The following FSTL4 variants were observed in gnomAD, a reference collection of about 807,000 sequenced individuals.
FSTL4 encodes follistatin like 4.
Under a neutral mutation model 78.2 loss-of-function variants are expected in FSTL4, and 28 were observed. The observed-to-expected ratio is 0.36, with a 90% CI of 0.27 to 0.49. The LOEUF (loss-of-function observed/expected upper bound fraction) is 0.49, where lower values mean the gene tolerates loss of function less well. FSTL4 is among the 20% of genes least tolerant of loss of function. The pLI is 0.98. For missense variants in FSTL4, 922 were observed against 1,084.9 expected, an observed-to-expected ratio of 0.85 and a Z score of 2.11; for synonymous variants, 422 against 440.5, an observed-to-expected ratio of 0.96 and a Z score of 0.53.
chr5:133,282,534 C>T (rs1469686774), intron 6 of FSTL4, among the ~76,000 whole-genome samples: 1 of 152,224 alleles, frequency 6.6e-6, no homozygotes, highest in Non-Finnish European at 1.5e-5. Context: ...AGGATCATTT[C>T]TCCCATACGA....
the FSTL4 span, among the ~76,000 whole-genome samples, chr5:133,708,281 T>C: frequency 2.0e-5 from 3 of 152,098 alleles, no homozygotes; most frequent in African/African-American, 7.2e-5. Context: ...GGCTTGCTTG[T>C]ATTTGGCTCT....
At chr5:133,774,090 A>C in the FSTL4 span, among the ~76,000 whole-genome samples, 2 of 152,224 alleles carry the variant, frequency 1.3e-5, no homozygotes, top group Non-Finnish European at 2.9e-5. Context: ...GAGAGAACAC[A>C]CACAGAGAAG....
At chr5:133,504,012 C>T (rs1451526696) in intron 3 of FSTL4, among the ~76,000 whole-genome samples, 1 of 152,064 alleles carries the variant, frequency 6.6e-6, no homozygotes, top group Non-Finnish European at 1.5e-5. Flanking sequence ...AGGGGGAAAC[C>T]CCTTATAAAA....
At chr5:133,657,767 T>G in the FSTL4 span, among the ~76,000 whole-genome samples, 2 of 104,406 alleles carry the variant, frequency 1.9e-5, no homozygotes, top group Non-Finnish European at 1.9e-5. Flanking sequence ...CTGTTTTTTG[T>G]TTTTTTTGTT....
intron 8 of FSTL4, among the ~76,000 whole-genome samples, chr5:133,231,735 G>T (rs183298543): frequency 4.6e-5 from 7 of 152,154 alleles, no homozygotes; most frequent in Admixed American, 4.6e-4. Context: ...TAGAGACAGG[G>T]TTTCACCATG....
intron 7 of FSTL4, among the ~76,000 whole-genome samples, chr5:133,246,203 T>C (rs1295380487): frequency 6.6e-6 from 1 of 152,100 alleles, no homozygotes; most frequent in Non-Finnish European, 1.5e-5. Flanking sequence ...TCGTATTTCA[T>C]CTCCCACTGC....
rs115132315 is a variant in FSTL4, at chr5:133,531,109, G to T, written c.160+36077C>A. Among the ~76,000 whole-genome samples, 987 of 152,302 alleles carry T rather than the reference G, an allele frequency of 6.5e-3. 15 individuals are homozygous for T. The highest frequency in any genetic ancestry group is 0.022 in the African/African-American group (914 of 41,558). On this transcript the variant is annotated intron_variant, in intron 3 of 15. Transcript: ENST00000265342. ...CAGAAAAGGATGGGCTCAGACACAC[G>T]GACTGACCCCTCCTTGTGTCTCACT...
intron 3 of FSTL4, among the ~76,000 whole-genome samples, chr5:133,523,424 GAGAA>G (rs1277564653): frequency 6.6e-6 from 1 of 152,140 alleles, no homozygotes; most frequent in Non-Finnish European, 1.5e-5. Flanking sequence ...CAGAGTGGGA[GAGAA>G]AGGGAAAACC....
chr5:133,359,539 G>A (rs1027946845), intron 4 of FSTL4, among the ~76,000 whole-genome samples: 3 of 152,202 alleles, frequency 2.0e-5, no homozygotes, highest in East Asian at 1.9e-4. Context: ...GTGATGGGGG[G>A]ACTGACTAGG....
upstream of FSTL4, among the ~76,000 whole-genome samples, chr5:133,616,176 TG>T (rs1761194814): frequency 6.6e-6 from 1 of 152,144 alleles, no homozygotes; most frequent in Non-Finnish European, 1.5e-5. Flanking sequence ...GCAAAAGGGA[TG>T]AAAGAGGGAA....
chr5:133,505,201 CCT>C (rs1051977137), intron 3 of FSTL4, among the ~76,000 whole-genome samples: 8 of 151,484 alleles, frequency 5.3e-5, no homozygotes, highest in Non-Finnish European at 1.5e-5. Context: ...TTTTTGCCTT[CCT>C]CTCTCTCTCT....
chr5:133,413,009 C>T (rs1756509956), intron 3 of FSTL4, among the ~76,000 whole-genome samples: 1 of 151,954 alleles, frequency 6.6e-6, no homozygotes, highest in Admixed American at 6.6e-5. Flanking sequence ...TCTTTTGGTT[C>T]CTTATTTTGA....
intron 3 of FSTL4, among the ~76,000 whole-genome samples, chr5:133,529,389 C>T (rs1213610003): frequency 6.6e-6 from 1 of 152,148 alleles, no homozygotes; most frequent in East Asian, 1.9e-4. Context: ...CTCTGTCTTC[C>T]CTATGAGACA....
At chr5:133,650,216 A>G in the FSTL4 span, among the ~76,000 whole-genome samples, 1 of 152,160 alleles carries the variant, frequency 6.6e-6, no homozygotes, top group East Asian at 1.9e-4. Context: ...CCCATGACCC[A>G]AACACCTCCC....
intron 4 of FSTL4, among the ~76,000 whole-genome samples, chr5:133,349,482 C>T (rs1361403282): frequency 1.3e-5 from 2 of 152,214 alleles, no homozygotes; most frequent in Admixed American, 1.3e-4. Context: ...AAATGTCATG[C>T]TGCCATGTGA....
intron 6 of FSTL4, among the ~76,000 whole-genome samples, chr5:133,310,956 C>T (rs552957569): frequency 5.3e-5 from 8 of 152,132 alleles, no homozygotes; most frequent in South Asian, 4.2e-4. Flanking sequence ...AAGTGGACTC[C>T]GAGGGCAGGA....
At chr5:133,459,453 A>T (rs968369409) in intron 3 of FSTL4, among the ~76,000 whole-genome samples, 8 of 152,086 alleles carry the variant, frequency 5.3e-5, no homozygotes, top group Non-Finnish European at 2.9e-5. Flanking sequence ...ATTCCAGGTT[A>T]AAAAAAACCC....
At chr5:133,300,742 C>A (rs1383183049) in intron 6 of FSTL4, among the ~76,000 whole-genome samples, 1 of 152,132 alleles carries the variant, frequency 6.6e-6, no homozygotes, top group Admixed American at 6.5e-5. Flanking sequence ...GGGTCAGGAC[C>A]AACACCAGGG....
intron 2 of FSTL4, among the ~76,000 whole-genome samples, chr5:133,591,231 C>T (rs1760620000): frequency 6.6e-6 from 1 of 152,164 alleles, no homozygotes; most frequent in South Asian, 2.1e-4. Flanking sequence ...CAGCCACAGA[C>T]AGGCCGGGTT....
Sources: gnomAD v4.1 joint callset for allele counts (sites outside exome capture counted in the v4.1 genomes callset) on GRCh38, gnomAD v4.1.1 for gene constraint, MANE v1.5 for transcripts, NCBI Gene and HGNC (gene_info 2026-07-23, HGNC 2026-07-21) for gene names.